ERC2: variants seen among roughly 807,000 people sequenced by gnomAD.
The protein encoded by ERC2 is ERC protein 2.
ERC2 carries 42 observed loss-of-function variants against 114.8 expected under a neutral mutation model. The ratio of observed to expected loss-of-function variants is 0.37; its 90% CI spans 0.29 to 0.47. The LOEUF is 0.47. ERC2 is among the 20% of genes least tolerant of loss of function. The pLI is 0.99. For synonymous variants in ERC2, 454 were observed against 425.5 expected (o/e 1.07, Z -0.82); for missense variants, 939 against 1,150.7 (o/e 0.82, Z 2.66).
rs766325433 is a variant in ERC2 at position 55,992,247 on chromosome 3, G to A, written c.2065C>T (p.His689Tyr). The change falls in exon 11 of 18, where the codon CAT becomes TAT. Residue 689 changes from histidine (H) to tyrosine (Y), a missense_variant. Physicochemically the swap from His to Tyr is moderately conservative, Grantham distance 83. Coordinates refer to ENST00000288221, the MANE Select transcript of ERC2 (RefSeq NM_015576.3). ...SKLEAQLKKA[H>Y]NIEDDSRMNP... ...ATCCTGGAGTCATCTTCAATATTAT[G>A]TGCCTTCAACATTACATTTTTAAAG... 3 of 1,612,348 alleles carry A rather than the reference G, an allele frequency of 1.9e-6. No individual in the cohort carries two copies. Among genetic ancestry groups the A allele is most frequent in the South Asian group, 2.2e-5 (2 of 90,874 alleles).
At chr3:56,180,260 G>A (rs1203245323) in intron 3 of ERC2, among the ~76,000 whole-genome samples, 2 of 152,168 alleles carry the variant, frequency 1.3e-5, no homozygotes, top group Non-Finnish European at 2.9e-5. Context: ...ACTAGCATGT[G>A]CTGTGGAAGA....
intron 7 of ERC2, among the ~76,000 whole-genome samples, chr3:56,077,021 C>G (rs151146108): frequency 4.1e-4 from 62 of 152,272 alleles, no homozygotes; most frequent in African/African-American, 1.5e-3. Flanking sequence ...TTGACATGAG[C>G]TTATTATTCT....
chr3:55,998,694 G>C (rs1372113521), intron 10 of ERC2, among the ~76,000 whole-genome samples: 1 of 152,122 alleles, frequency 6.6e-6, no homozygotes, highest in Non-Finnish European at 1.5e-5. Flanking sequence ...TTATAATTCA[G>C]CCCATTACGT....
intron 17 of ERC2, among the ~76,000 whole-genome samples, chr3:55,567,159 G>T (rs897367378): frequency 6.6e-6 from 1 of 152,174 alleles, no homozygotes; most frequent in Non-Finnish European, 1.5e-5. Flanking sequence ...CTTCCCTATG[G>T]TTTATTGCCA....
At chr3:55,978,571 A>C (rs891023652) in intron 12 of ERC2, among the ~76,000 whole-genome samples, 1 of 152,190 alleles carries the variant, frequency 6.6e-6, no homozygotes, top group African/African-American at 2.4e-5. Context: ...AATCTTTGTC[A>C]CATCCACAAT....
intron 15 of ERC2, among the ~76,000 whole-genome samples, chr3:55,702,490 T>C (rs2063277982): frequency 6.6e-6 from 1 of 152,210 alleles, no homozygotes; most frequent in African/African-American, 2.4e-5. Flanking sequence ...AAAAACAGTT[T>C]GACCAATCTT....
chr3:55,925,432 T>TGAG (rs903918700), intron 13 of ERC2, among the ~76,000 whole-genome samples: 1 of 151,980 alleles, frequency 6.6e-6, no homozygotes, highest in African/African-American at 2.4e-5. Flanking sequence ...ATGAAAGGGA[T>TGAG]GAGGAGGAGG....
At chr3:56,343,167 TTCTCTC>T (rs1160068173) in intron 2 of ERC2, among the ~76,000 whole-genome samples, 1 of 135,260 alleles carries the variant, frequency 7.4e-6, no homozygotes, top group Non-Finnish European at 1.6e-5. Flanking sequence ...CTCTCTCTCT[TTCTCTC>T]TCTCTCTCTC....
chr3:55,959,109 T>G (rs898926631), intron 12 of ERC2, among the ~76,000 whole-genome samples: 3 of 152,164 alleles, frequency 2.0e-5, no homozygotes, highest in African/African-American at 7.2e-5. Flanking sequence ...AACCCTCTTC[T>G]AGAGCACTTA....
At chr3:56,279,881 AGGGTATG>A (rs2054235024) in intron 3 of ERC2, among the ~76,000 whole-genome samples, 1 of 152,206 alleles carries the variant, frequency 6.6e-6, no homozygotes, top group Non-Finnish European at 1.5e-5. Flanking sequence ...TTGGATACAG[AGGGTATG>A]GTAAGCTGAG....
intron 17 of ERC2, among the ~76,000 whole-genome samples, chr3:55,663,935 G>A (rs548582746): frequency 2.0e-5 from 3 of 152,238 alleles, no homozygotes; most frequent in African/African-American, 7.2e-5. Context: ...TTTGCAGTGC[G>A]ACTATTCTGT....
intron 17 of ERC2, among the ~76,000 whole-genome samples, chr3:55,580,187 G>T (rs916473619): frequency 1.8e-4 from 27 of 151,638 alleles, no homozygotes; most frequent in Non-Finnish European, 3.5e-4. Context: ...TGCCACCATT[G>T]CCAAAACTGA....
chr3:55,848,029 T>C (rs1238524972), intron 14 of ERC2, among the ~76,000 whole-genome samples: 1 of 152,100 alleles, frequency 6.6e-6, no homozygotes, highest in African/African-American at 2.4e-5. Context: ...ACCTCTGGGC[T>C]CAAGCATTTT....
At chr3:56,024,105 AG>A (rs2073900348) in intron 7 of ERC2, among the ~76,000 whole-genome samples, 1 of 152,228 alleles carries the variant, frequency 6.6e-6, no homozygotes, top group Non-Finnish European at 1.5e-5. Context: ...CCACACCTAG[AG>A]TATCAGTTAA....
At chr3:56,211,237 T>G (rs999646032) in intron 3 of ERC2, among the ~76,000 whole-genome samples, 18 of 151,942 alleles carry the variant, frequency 1.2e-4, no homozygotes, top group African/African-American at 4.1e-4. Context: ...AACTAGTAAA[T>G]GAATTCAATA....
intron 14 of ERC2, 144 bp from the exon 15 acceptor site, chr3:55,735,062 G>A (rs893471943): frequency 1.1e-6 from 1 of 911,018 alleles, no homozygotes; most frequent in Non-Finnish European, 1.6e-6. Flanking sequence ...TAGCTCTTTG[G>A]CTTTCAGAAT....
At chr3:55,582,747 A>G (rs561968294) in intron 17 of ERC2, among the ~76,000 whole-genome samples, 57 of 152,340 alleles carry the variant, frequency 3.7e-4, no homozygotes, top group African/African-American at 1.3e-3. Context: ...ACAGGATCAT[A>G]TAAGAAGTAG....
chr3:55,987,026 A>G (rs1246957478), intron 11 of ERC2, among the ~76,000 whole-genome samples: 1 of 152,192 alleles, frequency 6.6e-6, no homozygotes, highest in Admixed American at 6.5e-5. Context: ...AACAAAATAA[A>G]ATAAATCCTC....
At position 56,188,067 on chromosome 3, in the gene ERC2, G is replaced by A. The variant is rs147402249; in HGVS notation, c.1075-14547C>T. On this transcript the variant is annotated intron_variant, in intron 3 of 17. Transcript: ENST00000288221. ...TTTGCTCTGATTAATAGGGTGACAG[G>A]GGGAGGAAAGGGCCTGTCATCCATC... Among the ~76,000 whole-genome samples, 10 of 151,176 alleles carry A rather than the reference G, an allele frequency of 6.6e-5. No individual in the cohort carries two copies. In the East Asian group the frequency reaches 1.9e-3, roughly 29 times the overall value.
Sources: gnomAD v4.1 joint callset for allele counts (sites outside exome capture counted in the v4.1 genomes callset) on GRCh38, gnomAD v4.1.1 for gene constraint, MANE v1.5 for transcripts, NCBI Gene and HGNC (gene_info 2026-07-23, HGNC 2026-07-21) for gene names.